Variants in COL4A1 observed in about 807,000 individuals in gnomAD.
The protein encoded by COL4A1 is collagen alpha-1(IV) chain.
COL4A1 carries 40 observed loss-of-function variants against 216.6 expected under a neutral mutation model. The ratio of observed to expected loss-of-function variants is 0.18; its 90% CI spans 0.14 to 0.24. The LOEUF is 0.24. Among genes scored for constraint, COL4A1 ranks in the 10% least tolerant of loss-of-function variants. The pLI, the probability that COL4A1 is intolerant of heterozygous loss-of-function variation, is 1.00. For missense variants in COL4A1, 1,628 were observed against 2,196.8 expected (o/e 0.74, Z 5.18); for synonymous variants, 839 against 810.7 (o/e 1.03, Z -0.59).
chr13:110,264,879 G>A (rs946608684), intron 1 of COL4A1, among the ~76,000 whole-genome samples: 15 of 152,186 alleles, frequency 9.9e-5, no homozygotes, highest in African/African-American at 3.1e-4. Flanking sequence ...CCTGCACCAC[G>A]TGATCCCAGG....
At chr13:110,244,639 C>G (rs7318692) in intron 1 of COL4A1, among the ~76,000 whole-genome samples, 32,747 of 152,094 alleles carry the variant, frequency 0.22, 4,296 homozygotes, top group African/African-American at 0.37. Flanking sequence ...CACCTGCTCC[C>G]TACCTGGCTC....
intron 43 of COL4A1, 98 bp downstream of exon 43, chr13:110,169,525 CATATAT>C: frequency 1.4e-5 from 21 of 1,501,416 alleles, no homozygotes; most frequent in Non-Finnish European, 1.7e-5. Flanking sequence ...CACACACACA[CATATAT>C]ATACATACAC....
In COL4A1 at chr13:110,212,409, G is replaced by A. The variant is rs1879847482; in HGVS notation, c.387+8C>T. The A allele has an allele frequency of 6.2e-7, 1 of 1,613,310 alleles. No individual in the cohort carries two copies. The highest frequency in any genetic ancestry group is 1.3e-5 in the African/African-American group (1 of 74,996). ...ACACAAAAAGGAGGGTCTCGGTTCT[G>A]GATTTACCTTTGTGCCATTGCATCC... On this transcript the variant is annotated splice_region_variant and intron_variant, in intron 6 of 51. Coordinates refer to ENST00000375820, the MANE Select transcript of COL4A1 (RefSeq NM_001845.6).
intron 15 of COL4A1, among the ~76,000 whole-genome samples, 187 bp downstream of exon 15, chr13:110,206,478 C>T (rs1879520672): frequency 6.6e-6 from 1 of 152,218 alleles, no homozygotes; most frequent in Admixed American, 6.5e-5. Flanking sequence ...AGGGAAGGAC[C>T]TCGCCTGCCT....
intron 1 of COL4A1, among the ~76,000 whole-genome samples, chr13:110,267,939 A>G (rs1368649035): frequency 2.0e-5 from 3 of 152,196 alleles, no homozygotes; most frequent in Non-Finnish European, 2.9e-5. Flanking sequence ...TGAAGATCCT[A>G]TACAGAGCTG....
intron 1 of COL4A1, among the ~76,000 whole-genome samples, chr13:110,243,020 A>G (rs1337803142): frequency 6.6e-6 from 1 of 152,190 alleles, no homozygotes. Flanking sequence ...GCCCTTTGTT[A>G]ATTTCTATTT....
intron 49 of COL4A1, 101 bp downstream of exon 49, chr13:110,161,091 T>C (rs1877061554): frequency 1.6e-6 from 2 of 1,214,358 alleles, no homozygotes; most frequent in Admixed American, 1.9e-5. Flanking sequence ...TAAATGGCAA[T>C]GGATTCAACG....
chr13:110,192,659 T>C (rs1878691097), intron 23 of COL4A1, among the ~76,000 whole-genome samples, 171 bp downstream of exon 23: 1 of 152,200 alleles, frequency 6.6e-6, no homozygotes, highest in Non-Finnish European at 1.5e-5. Context: ...ATCTTGATCA[T>C]TCCCAGCAAT....
At chr13:110,256,039 G>C (rs1882547815) in intron 1 of COL4A1, among the ~76,000 whole-genome samples, 1 of 152,098 alleles carries the variant, frequency 6.6e-6, no homozygotes, top group Admixed American at 6.5e-5. Flanking sequence ...CAAATTTTAT[G>C]TGAAGATTTT....
intron 2 of COL4A1, among the ~76,000 whole-genome samples, chr13:110,228,863 T>C (rs1880875273): frequency 6.6e-6 from 1 of 152,152 alleles, no homozygotes; most frequent in Admixed American, 6.5e-5. Context: ...GAATAAAATA[T>C]GGAGAATCAA....
At chr13:110,182,861 T>C (rs1323781110) in intron 28 of COL4A1, 132 bp downstream of exon 28, 4 of 799,244 alleles carry the variant, frequency 5.0e-6, no homozygotes, top group Non-Finnish European at 6.0e-6. Flanking sequence ...GGCTCAGCAC[T>C]GCTTGGGCTC....
At chr13:110,158,663 C>A (rs1458939905) in intron 49 of COL4A1, among the ~76,000 whole-genome samples, 2 of 151,536 alleles carry the variant, frequency 1.3e-5, no homozygotes, top group Non-Finnish European at 2.9e-5. Flanking sequence ...AGTAAAATTA[C>A]GGAATAGCTT....
At position 110,167,015 on chromosome 13, in the gene COL4A1, A is replaced by G. The variant is rs1213026; in HGVS notation, c.3949+143T>C. On this transcript the variant is annotated intron_variant, in intron 44 of 51. Coordinates refer to ENST00000375820, the MANE Select transcript of COL4A1 (RefSeq NM_001845.6). The stretch of plus-strand genomic sequence containing the variant: ...ATACAAATTGGGCTGCCACACAGAA[A>G]TGCCATTTTTAATTTGAAGAGAACA... The G allele has an allele frequency of 0.65, 497,888 of 768,236 alleles. 162,858 individuals carry two copies. Among genetic ancestry groups the G allele is most frequent in the Admixed American group, 0.71 (40,232 of 56,960 alleles). 47.6% of individuals were successfully genotyped at this position (768,236 alleles called of 1,614,324 possible).
At chr13:110,179,097 A>T in intron 30 of COL4A1, 61 bp from the exon 31 acceptor site, 1 of 1,555,842 alleles carries the variant, frequency 6.4e-7, no homozygotes. Flanking sequence ...CCGGCCTAGG[A>T]GACCCATGCA....
In COL4A1 at chr13:110,162,300, G is replaced by C; in HGVS notation, c.4392C>G (p.Thr1464=). Residue 1464 remains threonine (T), a synonymous_variant, in exon 48 of 52, where the codon ACC becomes ACG. Transcript: ENST00000375820. ...AAGAGTACCCGTGGTAAAGAATTTT[G>C]GTCCCAGAAGGACACTGTGGGTCAT... ...TIDDPQCPSG[T]KILYHGYSLL... 2 of 1,614,206 alleles carry C rather than the reference G, an allele frequency of 1.2e-6. No individual in the cohort carries two copies. The highest frequency in any genetic ancestry group is 1.7e-6 in the Non-Finnish European group (2 of 1,180,038).
At position 110,306,123 on chromosome 13, in the gene COL4A1, G is replaced by A. The variant is rs564836604; in HGVS notation, c.84+821C>T. Among the ~76,000 whole-genome samples, 40 of 152,214 alleles carry A rather than the reference G, an allele frequency of 2.6e-4. No individual in the cohort carries two copies. In the South Asian group the frequency reaches 7.9e-3, roughly 30 times the overall value. ...AGTCAGTCCAGGCTTGTCCACGGCT[G>A]GAAGCCTCGACTCCTGCAAACCTCC... On this transcript the variant is annotated intron_variant, in intron 1 of 51. Coordinates refer to ENST00000375820, the MANE Select transcript of COL4A1 (RefSeq NM_001845.6).
intron 49 of COL4A1, among the ~76,000 whole-genome samples, chr13:110,156,086 A>G (rs1197775244): frequency 1.3e-5 from 2 of 152,222 alleles, no homozygotes; most frequent in African/African-American, 2.4e-5. Flanking sequence ...AATATTGTTT[A>G]AAAAATAGAT....
At chr13:110,240,868 G>C (rs7139639) in intron 2 of COL4A1, among the ~76,000 whole-genome samples, 13,579 of 122,616 alleles carry the variant, frequency 0.11, 1,441 homozygotes, top group African/African-American at 0.27. Flanking sequence ...CAAGTTTTTT[G>C]GTTTTTGGTT....
chr13:110,264,243 T>A (rs970215031), intron 1 of COL4A1, among the ~76,000 whole-genome samples: 2 of 152,136 alleles, frequency 1.3e-5, no homozygotes, highest in Non-Finnish European at 2.9e-5. Flanking sequence ...GGGAAAGACA[T>A]AGACTTTAAG....
Sources: gnomAD v4.1 joint callset for allele counts (sites outside exome capture counted in the v4.1 genomes callset) on GRCh38, gnomAD v4.1.1 for gene constraint, MANE v1.5 for transcripts, NCBI Gene and HGNC (gene_info 2026-07-23, HGNC 2026-07-21) for gene names.